Variants in SOS2 observed in about 807,000 individuals in gnomAD.
SOS2 encodes the protein SOS Ras/Rho guanine nucleotide exchange factor 2.
In SOS2, 65 loss-of-function variants were observed where a neutral mutation model predicts 148.2. The ratio of observed to expected loss-of-function variants is 0.44; its 90% CI spans 0.36 to 0.54. The LOEUF (loss-of-function observed/expected upper bound fraction) is 0.54. SOS2 is among the 20% of genes least tolerant of loss of function. The pLI, the probability that SOS2 is intolerant of heterozygous loss-of-function variation, is 0.00. For synonymous variants in SOS2, 539 were observed against 537.1 expected, an observed-to-expected ratio of 1.00 and a Z score of -0.05; for missense variants, 1,341 against 1,590.2, an observed-to-expected ratio of 0.84 and a Z score of 2.67.
At chr14:50,180,749 A>T (rs945782732) in intron 6 of SOS2, 67 bp from the exon 7 acceptor site, 30 of 871,376 alleles carry the variant, frequency 3.4e-5, no homozygotes, top group Non-Finnish European at 4.8e-5. Context: ...TATGGTACAG[A>T]TTATTATCAC....
chr14:50,138,673 G>T lies in SOS2; in HGVS notation c.2897C>A (p.Thr966Asn). 1 of 1,572,312 alleles carries T rather than the reference G, an allele frequency of 6.4e-7. No homozygotes were observed. Among genetic ancestry groups the T allele is most frequent in the Non-Finnish European group, 8.7e-7 (1 of 1,153,708 alleles). ...ATTCTGATACTGCTGAATTTCTCCA[G>T]TAATTTCAGCTACTTTCCTCCTCTT... ...FSKRRKVAEI[T>N]GEIQQYQNQP... Residue 966 changes from threonine to asparagine, a missense_variant, in exon 18 of 23, where the codon ACT becomes AAT. Around this residue, in one of 4 missense-constraint regions of SOS2, gnomAD observed 408 missense variants for 506.6 expected, o/e 0.81. Transcript: ENST00000216373.
At chr14:50,228,202 C>T (rs1041741712) in intron 1 of SOS2, among the ~76,000 whole-genome samples, 6 of 151,860 alleles carry the variant, frequency 4.0e-5, no homozygotes, top group Admixed American at 2.0e-4. Context: ...CCACCACACC[C>T]AGCTAATTTT....
At chr14:50,212,073 C>T (rs1566482396) in intron 1 of SOS2, among the ~76,000 whole-genome samples, 2 of 152,092 alleles carry the variant, frequency 1.3e-5, no homozygotes, top group African/African-American at 2.4e-5. Context: ...AATGGGATTC[C>T]ATTCACAAAG....
Position 50,150,191 on chromosome 14 carries a change from A to C in SOS2, c.2201T>G (p.Ile734Ser), listed in dbSNP as rs1388598675. 1 of 1,613,300 alleles carries C rather than the reference A, an allele frequency of 6.2e-7. No homozygotes were observed. Among genetic ancestry groups the C allele is most frequent in the Admixed American group, 1.7e-5 (1 of 60,024 alleles). ...CTGAGCTTGCTTCTTCCTCCTGATGATCTTAGCAATTGACTCTACCCATTT... is the reference window on the plus strand; with the variant it reads ...CTGAGCTTGCTTCTTCCTCCTGATGCTCTTAGCAATTGACTCTACCCATTT... ...MKKWVESIAK[I>S]IRRKKQAQAN... The change falls in exon 14 of 23, where the codon ATC becomes AGC. Residue 734 changes from isoleucine (I) to serine (S), a missense_variant. Coordinates refer to ENST00000216373, the MANE Select transcript of SOS2 (RefSeq NM_006939.4).
chr14:50,124,314 G>A (rs1883619090), intron 21 of SOS2, among the ~76,000 whole-genome samples: 1 of 152,150 alleles, frequency 6.6e-6, no homozygotes, highest in Non-Finnish European at 1.5e-5. Flanking sequence ...ACCAAGCAGT[G>A]ACAAGTGAAG....
intron 8 of SOS2, among the ~76,000 whole-genome samples, chr14:50,170,662 G>T (rs1885331381): frequency 6.6e-6 from 1 of 151,990 alleles, no homozygotes; most frequent in South Asian, 2.1e-4. Context: ...AACAGAGCAA[G>T]ACCCTGTCCC....
At chr14:50,200,830 C>G (rs752811730) in intron 3 of SOS2, 123 bp downstream of exon 3, 31 of 745,720 alleles carry the variant, frequency 4.2e-5, no homozygotes, top group African/African-American at 7.1e-5. Flanking sequence ...TACAAGCATA[C>G]ATATGGAAGT....
intron 16 of SOS2, among the ~76,000 whole-genome samples, chr14:50,144,286 CTG>C (rs920141829): frequency 3.8e-4 from 57 of 151,758 alleles, no homozygotes; most frequent in African/African-American, 1.3e-3. Flanking sequence ...AAATAGAAAA[CTG>C]TTTATGAGAA....
At chr14:50,121,202 A>G (rs1883494829) in intron 21 of SOS2, among the ~76,000 whole-genome samples, 1 of 152,214 alleles carries the variant, frequency 6.6e-6, no homozygotes, top group African/African-American at 2.4e-5. Context: ...AAGGAAATTT[A>G]CAAAATGATA....
intron 21 of SOS2, among the ~76,000 whole-genome samples, chr14:50,124,730 C>G (rs545985320): frequency 6.6e-6 from 1 of 152,268 alleles, no homozygotes; most frequent in East Asian, 1.9e-4. Flanking sequence ...CTATAATTAT[C>G]TATGTTTCTT....
chr14:50,170,342 A>G (rs1885320658), intron 8 of SOS2, among the ~76,000 whole-genome samples: 1 of 152,212 alleles, frequency 6.6e-6, no homozygotes, highest in African/African-American at 2.4e-5. Context: ...AAGAAAAAAA[A>G]TCACTTCTTG....
intron 8 of SOS2, among the ~76,000 whole-genome samples, chr14:50,163,111 C>T (rs1348898802): frequency 6.6e-6 from 1 of 150,884 alleles, no homozygotes; most frequent in African/African-American, 2.4e-5. Flanking sequence ...TCTCACTATG[C>T]TGCCCAGGCT....
At chr14:50,164,296 CG>C (rs1192486564) in intron 8 of SOS2, among the ~76,000 whole-genome samples, 1 of 151,708 alleles carries the variant, frequency 6.6e-6, no homozygotes, top group African/African-American at 2.4e-5. Context: ...AAAAATTAGC[CG>C]GGCGTGGTGA....
chr14:50,196,738 C>T (rs1297113295), intron 4 of SOS2, among the ~76,000 whole-genome samples: 1 of 152,034 alleles, frequency 6.6e-6, no homozygotes, highest in Non-Finnish European at 1.5e-5. Flanking sequence ...TAAATATATA[C>T]AACTATAATT....
At chr14:50,193,752 ATT>A (rs35785466) in intron 4 of SOS2, among the ~76,000 whole-genome samples, 1 of 143,824 alleles carries the variant, frequency 7.0e-6, no homozygotes, top group Admixed American at 7.0e-5. Flanking sequence ...AGTCATCGGG[ATT>A]TTTTTTTTTT....
intron 21 of SOS2, among the ~76,000 whole-genome samples, chr14:50,126,363 T>C (rs950124904): frequency 1.3e-5 from 2 of 152,208 alleles, no homozygotes; most frequent in Non-Finnish European, 2.9e-5. Flanking sequence ...TTGCATCCAT[T>C]GACTAAAGTC....
chr14:50,209,050 A>AT lies in SOS2; in HGVS notation c.88-4642_88-4641insA, dbSNP rs1181837706. Among the ~76,000 whole-genome samples, 4 of 152,276 alleles carry AT rather than the reference A, an allele frequency of 2.6e-5. No individual in the cohort carries two copies. In the East Asian group the frequency reaches 7.7e-4, roughly 29 times the overall value. On this transcript the variant is annotated intron_variant, in intron 1 of 22. Coordinates refer to ENST00000216373, the MANE Select transcript of SOS2 (RefSeq NM_006939.4). ...GGCCTGAATAGAACAAAAGGCTGAG[A>AT]AAGAATTCTTTCTCTCTGCCTGACT... is the stretch of plus-strand genomic sequence containing the variant.
rs1394217728 is a variant in SOS2, at chr14:50,158,611, G to A, written c.1888C>T (p.Arg630Cys). The change falls in exon 11 of 23, where the codon CGT becomes TGT. Residue 630 changes from arginine to cysteine, a missense_variant. Physicochemically the swap from Arg to Cys is radical, Grantham distance 180 (BLOSUM62 -3). Coordinates refer to ENST00000216373, the MANE Select transcript of SOS2 (RefSeq NM_006939.4). ...NFVRTFLTTY[R>C]SFCKPQELLS... Reference sequence around the variant, plus strand: ...AATTCCTGTGGTTTACAAAATGAACGATATGTGGTAAGAAAAGTACGAACA... The same window carrying A: ...AATTCCTGTGGTTTACAAAATGAACAATATGTGGTAAGAAAAGTACGAACA... The A allele has an allele frequency of 1.9e-6, 3 of 1,609,158 alleles. No homozygotes were observed. The highest frequency in any genetic ancestry group is 2.2e-5 in the East Asian group (1 of 44,634).
chr14:50,132,528 G>A (rs949793244), intron 19 of SOS2, among the ~76,000 whole-genome samples: 2 of 151,918 alleles, frequency 1.3e-5, no homozygotes, highest in African/African-American at 4.8e-5. Context: ...GGGCGTAGTG[G>A]CACACACCTG....
Sources: allele counts gnomAD v4.1 joint callset (sites outside exome capture counted in the v4.1 genomes callset), GRCh38; gene constraint gnomAD v4.1.1; regional missense constraint gnomAD v4.1.1; transcripts MANE v1.5; gene names NCBI Gene and HGNC (gene_info 2026-07-23, HGNC 2026-07-21).